The following B3GALT1 variants were observed in gnomAD, a reference collection of about 807,000 sequenced individuals.
B3GALT1 encodes the protein UDP-Gal:betaGlcNAc beta 1,3-galactosyltransferase, polypeptide 1.
In B3GALT1, 10 loss-of-function variants were observed where a neutral mutation model predicts 23.2. That is an observed-to-expected ratio of 0.43 (90% CI 0.27 to 0.73). B3GALT1 has a LOEUF of 0.73. Among genes scored for constraint, B3GALT1 ranks in the 30% least tolerant of loss-of-function variants. The probability of loss-of-function intolerance (pLI) is 0.21; values close to 1 mark genes in which losing one functional copy is unlikely to be tolerated. For missense variants in B3GALT1, 299 were observed against 405.4 expected (o/e 0.74, Z 2.25); for synonymous variants, 156 against 141.5 (o/e 1.10, Z -0.73).
At chr2:167,458,043 G>T (rs2105323895) in intron 1 of B3GALT1, among the ~76,000 whole-genome samples, 1 of 152,244 alleles carries the variant, frequency 6.6e-6, no homozygotes, top group South Asian at 2.1e-4. Context: ...ATGTTGTACA[G>T]CCATGATCAC....
At chr2:167,368,801 T>C (rs1697631684) in intron 1 of B3GALT1, among the ~76,000 whole-genome samples, 1 of 152,222 alleles carries the variant, frequency 6.6e-6, no homozygotes, top group Admixed American at 6.5e-5. Context: ...TATGTGTCCA[T>C]GCTCTTTTGA....
intron 1 of B3GALT1, among the ~76,000 whole-genome samples, chr2:167,297,256 C>T (rs1010950095): frequency 2.0e-5 from 3 of 151,950 alleles, no homozygotes; most frequent in Non-Finnish European, 2.9e-5. Flanking sequence ...TGTGCAAAGT[C>T]AAATCTACAG....
Position 167,503,363 on chromosome 2 carries a change from A to G in B3GALT1, c.-410+13086A>G, listed in dbSNP as rs540910070. Among the ~76,000 whole-genome samples the G allele has an allele frequency of 3.9e-5, 6 of 152,214 alleles. No homozygotes were observed. In the South Asian group the frequency reaches 1.2e-3, roughly 32 times the overall value. On this transcript the variant is annotated intron_variant, in intron 2 of 4. Transcript: ENST00000392690. The stretch of plus-strand genomic sequence containing the variant: ...TCTGGCTACCACAAGGATTCCCTTC[A>G]CCTGACCAACAGCCAGGCTTATGCT...
chr2:167,605,072 T>C (rs1045727167), intron 2 of B3GALT1, among the ~76,000 whole-genome samples: 7 of 152,196 alleles, frequency 4.6e-5, no homozygotes, highest in Non-Finnish European at 1.0e-4. Context: ...GTTTTCCTTC[T>C]TTTTGGCAAA....
At chr2:167,715,013 G>A in intron 3 of B3GALT1, 4 of 1,611,580 alleles carry the variant, frequency 2.5e-6, no homozygotes, top group Non-Finnish European at 3.4e-6. Flanking sequence ...AATATGCTCG[G>A]TAAGCTCTTC....
At chr2:167,577,859 GA>G (rs979456544) in intron 2 of B3GALT1, among the ~76,000 whole-genome samples, 10 of 150,478 alleles carry the variant, frequency 6.6e-5, no homozygotes, top group East Asian at 5.8e-4. Context: ...TTAATTTACT[GA>G]AAAAAAAAGT....
intron 1 of B3GALT1, among the ~76,000 whole-genome samples, chr2:167,422,694 A>G (rs1698566265): frequency 6.6e-6 from 1 of 152,070 alleles, no homozygotes; most frequent in African/African-American, 2.4e-5. Flanking sequence ...GGTGGCTGTC[A>G]GCTGAATGGA....
At chr2:167,792,476 C>T (rs1348678432) in intron 3 of B3GALT1, among the ~76,000 whole-genome samples, 3 of 152,154 alleles carry the variant, frequency 2.0e-5, no homozygotes, top group Non-Finnish European at 4.4e-5. Context: ...AGGGAGTAAT[C>T]CATTGACCAG....
intron 1 of B3GALT1, among the ~76,000 whole-genome samples, chr2:167,489,593 T>C (rs1276455820): frequency 1.3e-5 from 2 of 152,176 alleles, no homozygotes; most frequent in South Asian, 2.1e-4. Flanking sequence ...GGCTATCTTA[T>C]AGAACATGCT....
rs528688342 is a variant in B3GALT1 at position 167,293,823 on chromosome 2, C to T, written c.-511+489C>T. ...GGCGCGCCAGGGGAGAGGCGCGTTC[C>T]ACGAGGCTCCCCAAAGTCCCACTTT... On this transcript the variant is annotated intron_variant, in intron 1 of 4. Coordinates refer to ENST00000392690, the MANE Select transcript of B3GALT1 (RefSeq NM_020981.4). Among the ~76,000 whole-genome samples the T allele has an allele frequency of 4.7e-3, 722 of 152,084 alleles. 4 individuals carry two copies. The highest frequency in any genetic ancestry group is 0.016 in the African/African-American group (671 of 41,496).
At chr2:167,767,801 C>T (rs1044450361) in intron 3 of B3GALT1, among the ~76,000 whole-genome samples, 19 of 151,968 alleles carry the variant, frequency 1.3e-4, no homozygotes, top group Non-Finnish European at 2.8e-4. Flanking sequence ...TTCTACAGAA[C>T]GAATACAATA....
At chr2:167,721,735 A>G (rs1305138249) in intron 3 of B3GALT1, among the ~76,000 whole-genome samples, 1 of 152,192 alleles carries the variant, frequency 6.6e-6, no homozygotes, top group African/African-American at 2.4e-5. Flanking sequence ...ACTGTGGCTG[A>G]CACATCCCAA....
intron 1 of B3GALT1, among the ~76,000 whole-genome samples, chr2:167,365,583 A>G (rs904340334): frequency 6.1e-5 from 7 of 114,124 alleles, no homozygotes; most frequent in Admixed American, 5.3e-4. Context: ...TAGAGATACA[A>G]ATACACACAC....
intron 1 of B3GALT1, among the ~76,000 whole-genome samples, chr2:167,465,938 CTT>C (rs1386748445): frequency 2.6e-5 from 4 of 151,780 alleles, no homozygotes; most frequent in Non-Finnish European, 5.9e-5. Flanking sequence ...CTCACAATGA[CTT>C]TTGTGAAAGA....
chr2:167,322,280 T>C (rs907195549), intron 1 of B3GALT1, among the ~76,000 whole-genome samples: 2 of 151,716 alleles, frequency 1.3e-5, no homozygotes, highest in African/African-American at 2.4e-5. Flanking sequence ...CCTAAAAATA[T>C]ATTTAATAGT....
At chr2:167,795,091 C>T (rs1430630026) in intron 3 of B3GALT1, among the ~76,000 whole-genome samples, 1 of 152,074 alleles carries the variant, frequency 6.6e-6, no homozygotes, top group African/African-American at 2.4e-5. Flanking sequence ...TCAGTGAGTA[C>T]CATGATAGCA....
rs113674366 is a variant in B3GALT1, at chr2:167,346,530, C to G, written c.-511+53196C>G. On this transcript the variant is annotated intron_variant, in intron 1 of 4. Transcript: ENST00000392690. ...AATCCTTGAATAATAAGAATTAATG[C>G]AAAGTTAAGGAGATTTTGGAATTAA... Among the ~76,000 whole-genome samples the G allele has an allele frequency of 3.9e-3, 590 of 152,060 alleles. 2 individuals carry two copies. The highest frequency in any genetic ancestry group is 0.013 in the African/African-American group (555 of 41,472).
chr2:167,725,682 T>C (rs1318440327), intron 3 of B3GALT1, among the ~76,000 whole-genome samples: 1 of 152,142 alleles, frequency 6.6e-6, no homozygotes, highest in African/African-American at 2.4e-5. Context: ...GAAATAAATA[T>C]GGCCCTGGAA....
intron 2 of B3GALT1, among the ~76,000 whole-genome samples, chr2:167,505,357 G>C (rs1463935098): frequency 6.6e-6 from 1 of 152,158 alleles, no homozygotes; most frequent in Non-Finnish European, 1.5e-5. Context: ...GTATTTTTAA[G>C]TGTGATAGAG....
Sources: gnomAD v4.1 joint callset for allele counts (sites outside exome capture counted in the v4.1 genomes callset) on GRCh38, gnomAD v4.1.1 for gene constraint, MANE v1.5 for transcripts, NCBI Gene and HGNC (gene_info 2026-07-23, HGNC 2026-07-21) for gene names.